ACTR5: variants seen among roughly 807,000 people sequenced by gnomAD.
ACTR5 encodes the protein actin related protein 5, also known as actin-related protein 5.
Under a neutral mutation model 61.2 loss-of-function variants are expected in ACTR5, and 43 were observed. The observed-to-expected ratio is 0.70, with a 90% CI of 0.55 to 0.91. ACTR5 has a LOEUF of 0.91. ACTR5 is among the 40% of genes least tolerant of loss of function. The pLI, the probability that ACTR5 is intolerant of heterozygous loss-of-function variation, is 0.00. For synonymous variants in ACTR5, 333 were observed against 310.5 expected (o/e 1.07, Z -0.76); for missense variants, 798 against 782.2 (o/e 1.02, Z -0.24).
At chr20:38,762,610 C>T (rs1225599276) in intron 5 of ACTR5, among the ~76,000 whole-genome samples, 1 of 152,168 alleles carries the variant, frequency 6.6e-6, no homozygotes, top group Non-Finnish European at 1.5e-5. Flanking sequence ...GGGAGGCATC[C>T]TTTAGACTGC....
chr20:38,760,209 G>A (rs2145671628), intron 5 of ACTR5, among the ~76,000 whole-genome samples: 1 of 151,904 alleles, frequency 6.6e-6, no homozygotes, highest in East Asian at 1.9e-4. Flanking sequence ...AAAAGGAGGA[G>A]GGAAGGACAT....
At chr20:38,750,706 G>A (rs1176389485) in intron 2 of ACTR5, among the ~76,000 whole-genome samples, 1 of 151,922 alleles carries the variant, frequency 6.6e-6, no homozygotes, top group African/African-American at 2.4e-5. Context: ...TTGGCTCAGG[G>A]CAACGTCCGC....
At position 38,750,290 on chromosome 20, in the gene ACTR5, A is replaced by T. The variant is rs553670982; in HGVS notation, c.605+51A>T. 7 of 1,487,076 alleles carry T rather than the reference A, an allele frequency of 4.7e-6. No homozygotes were observed. In the Admixed American group the frequency reaches 1.0e-4, roughly 22 times the overall value. The allele number at this position is 1,487,076 out of a possible 1,614,324, so 92.1% of individuals were successfully genotyped here. A position where few individuals can be genotyped will look rare whatever the true frequency, so the allele number is the denominator to read the frequency against. On this transcript the variant is annotated intron_variant, in intron 2 of 8. Coordinates refer to ENST00000243903, the MANE Select transcript of ACTR5 (RefSeq NM_024855.4). ...TGCGATTTTGAGAAGCATTCAGGAAACATTTATTTACTGCGTGCTTTAAAG... is the reference window on the plus strand; with the variant it reads ...TGCGATTTTGAGAAGCATTCAGGAATCATTTATTTACTGCGTGCTTTAAAG...
chr20:38,771,616 T>G lies in ACTR5; in HGVS notation c.1624T>G (p.Leu542Val). The change falls in exon 9 of 9, where the codon TTG (leucine) becomes GTG (valine). Residue 542 changes from leucine to valine, a missense_variant. Transcript: ENST00000243903. ...DAWYGARDWALNHLDDNEVWI... is the reference protein window; with the variant it reads ...DAWYGARDWAVNHLDDNEVWI... The stretch of plus-strand genomic sequence containing the variant: ...CTGGTACGGTGCTCGTGACTGGGCC[T>G]TGAACCACCTAGATGATAATGAAGT... 6.2e-7 allele frequency: 1 copy of G among 1,614,146 alleles called. No individual in the cohort carries two copies. The highest frequency in any genetic ancestry group is 8.5e-7 in the Non-Finnish European group (1 of 1,180,036).
intron 8 of ACTR5, among the ~76,000 whole-genome samples, chr20:38,770,388 A>T (rs1443299047): frequency 6.6e-6 from 1 of 152,248 alleles, no homozygotes; most frequent in Non-Finnish European, 1.5e-5. Flanking sequence ...AGAAAACTGT[A>T]GTTTCAGCCT....
Position 38,749,492 on chromosome 20 carries a change from A to C in ACTR5, c.376-518A>C, listed in dbSNP as rs551925690. On this transcript the variant is annotated intron_variant, in intron 1 of 8. Coordinates refer to ENST00000243903, the MANE Select transcript of ACTR5 (RefSeq NM_024855.4). The stretch of plus-strand genomic sequence containing the variant: ...AGTAGTACCTGAAAGAGGATGTCAG[A>C]GAGGTAGTGGAGAGGCAGATCACAC... 2.0e-5 allele frequency among the ~76,000 whole-genome samples: 3 copies of C among 152,334 alleles called. No homozygotes were observed. In the South Asian group the frequency reaches 6.2e-4, roughly 32 times the overall value.
chr20:38,765,578 G>C, intron 6 of ACTR5, 60 bp downstream of exon 6: 1 of 1,391,500 alleles, frequency 7.2e-7, no homozygotes. Context: ...TAAATGGCTG[G>C]GCTAGTCTGT....
Position 38,755,005 on chromosome 20 carries a change from A to T in ACTR5, c.824A>T (p.Lys275Met). 6.2e-7 allele frequency: 1 copy of T among 1,614,260 alleles called. No individual in the cohort carries two copies. The highest frequency in any genetic ancestry group is 8.5e-7 in the Non-Finnish European group (1 of 1,180,046). Residue 275 changes from lysine to methionine, a missense_variant, in exon 4 of 9, where the codon AAG becomes ATG. By Grantham distance (95) the Lys-to-Met change is moderately conservative (BLOSUM62 -1). Coordinates refer to ENST00000243903, the MANE Select transcript of ACTR5 (RefSeq NM_024855.4). Reference protein sequence around the residue: ...CPDYYENNVHKMQLPFSSKLL... With the variant: ...CPDYYENNVHMMQLPFSSKLL... ...GATTATTATGAGAATAATGTCCACAAGATGCAGCTCCCATTTTCCAGCAAG... is the reference window on the plus strand; with the variant it reads ...GATTATTATGAGAATAATGTCCACATGATGCAGCTCCCATTTTCCAGCAAG...
chr20:38,765,751 A>G (rs187277925), intron 6 of ACTR5, among the ~76,000 whole-genome samples: 1 of 152,324 alleles, frequency 6.6e-6, no homozygotes, highest in African/African-American at 2.4e-5. Flanking sequence ...ACATTTGGTA[A>G]AGTAATTGGG....
intron 8 of ACTR5, among the ~76,000 whole-genome samples, chr20:38,770,327 A>G (rs538028691): frequency 1.3e-5 from 2 of 152,384 alleles, no homozygotes; most frequent in East Asian, 3.9e-4. Flanking sequence ...ACAGTAAAAC[A>G]TTTTTAAATA....
chr20:38,753,873 C>CT (rs71330446), intron 3 of ACTR5, among the ~76,000 whole-genome samples: 1,866 of 116,748 alleles, frequency 0.016, 25 homozygotes, highest in East Asian at 0.073. Flanking sequence ...GTTATTCGAG[C>CT]TTTTTTTTTT....
rs2084486053 is a variant in ACTR5 at position 38,766,296 on chromosome 20, C to A, written c.1352C>A (p.Ala451Asp). ...TTTGTTGGGACAGAAAGAATTCGAGCTCCAGAGATTATTTTCCAGCCATCT... is the reference window on the plus strand; with the variant it reads ...TTTGTTGGGACAGAAAGAATTCGAGATCCAGAGATTATTTTCCAGCCATCT... Reference protein sequence around the residue: ...QLFVGTERIRAPEIIFQPSLI... With the variant: ...QLFVGTERIRDPEIIFQPSLI... The change falls in exon 7 of 9, where the codon GCT becomes GAT. Residue 451 changes from alanine (A) to aspartate (D), a missense_variant. Ala to Asp is a moderately radical substitution (Grantham distance 126). Coordinates refer to ENST00000243903, the MANE Select transcript of ACTR5 (RefSeq NM_024855.4). 1 of 1,613,982 alleles carries A rather than the reference C, an allele frequency of 6.2e-7. No individual in the cohort carries two copies. The highest frequency in any genetic ancestry group is 1.7e-5 in the Admixed American group (1 of 59,970).
At chr20:38,764,930 A>G (rs2084476531) in intron 5 of ACTR5, among the ~76,000 whole-genome samples, 1 of 152,236 alleles carries the variant, frequency 6.6e-6, no homozygotes, top group African/African-American at 2.4e-5. Context: ...TCTGCCTCCC[A>G]AAGTGCAGAG....
Position 38,750,169 on chromosome 20 carries a change from T to C in ACTR5, c.535T>C (p.Ser179Pro). ...CTTCTACCACAATAAGCCAAAGAAC[T>C]CGATGTGCAGTGGGCTAATCATTTC... ...FSFYHNKPKN[S>P]MCSGLIISSG... Residue 179 changes from serine (S) to proline (P), a missense_variant, in exon 2 of 9, where the codon TCG becomes CCG. Coordinates refer to ENST00000243903, the MANE Select transcript of ACTR5 (RefSeq NM_024855.4). 3.7e-6 allele frequency: 6 copies of C among 1,614,208 alleles called. No individual in the cohort carries two copies. Among genetic ancestry groups the C allele is most frequent in the Non-Finnish European group, 5.1e-6 (6 of 1,180,030 alleles).
At chr20:38,750,796 T>C (rs2084383127) in intron 2 of ACTR5, among the ~76,000 whole-genome samples, 1 of 151,854 alleles carries the variant, frequency 6.6e-6, no homozygotes, top group Admixed American at 6.6e-5. Flanking sequence ...TCCTGGCTAA[T>C]TTTTTTTATA....
intron 7 of ACTR5, among the ~76,000 whole-genome samples, chr20:38,766,950 CTTTG>C (rs749346023): frequency 2.0e-5 from 3 of 152,158 alleles, no homozygotes; most frequent in African/African-American, 4.8e-5. Flanking sequence ...GTTGCTGCTA[CTTTG>C]TTTGAGTGGC....
At position 38,748,650 on chromosome 20, in the gene ACTR5, C is replaced by A; in HGVS notation, c.172C>A (p.Arg58Ser). The A allele has an allele frequency of 6.6e-7, 1 of 1,516,720 alleles. No individual in the cohort carries two copies. The highest frequency in any genetic ancestry group is 8.8e-7 in the Non-Finnish European group (1 of 1,135,174). 94.0% of individuals were successfully genotyped at this position (1,516,720 alleles called of 1,614,324 possible). A position where few individuals can be genotyped will look rare whatever the true frequency, so the allele number is the denominator to read the frequency against. The change falls in exon 1 of 9, where the codon CGC (arginine) becomes AGC (serine). Residue 58 changes from arginine (R) to serine (S), a missense_variant. Arg to Ser is a moderately radical substitution (Grantham distance 110). Coordinates refer to ENST00000243903, the MANE Select transcript of ACTR5 (RefSeq NM_024855.4). The stretch of plus-strand genomic sequence containing the variant: ...CGGGCAGGACCCAGGTCCCGAGCCG[C>A]GCCTGCAGTTCCGCGCGGTGTGCGC... The part of the protein sequence containing the change: ...CPGQDPGPEP[R>S]LQFRAVCARG...
chr20:38,769,123 T>TA (rs1308763058), intron 8 of ACTR5, among the ~76,000 whole-genome samples: 1 of 152,170 alleles, frequency 6.6e-6, no homozygotes, highest in Non-Finnish European at 1.5e-5. Context: ...TAACCACTAT[T>TA]AGTTTTCCAG....
chr20:38,759,900 GC>G (rs2084443559), intron 5 of ACTR5, among the ~76,000 whole-genome samples: 1 of 152,088 alleles, frequency 6.6e-6, no homozygotes, highest in South Asian at 2.1e-4. Context: ...GGGCACAGTG[GC>G]TCACATCTGT....
Sources: gnomAD v4.1 joint callset for allele counts (sites outside exome capture counted in the v4.1 genomes callset) on GRCh38, gnomAD v4.1.1 for gene constraint, MANE v1.5 for transcripts, NCBI Gene and HGNC (gene_info 2026-07-23, HGNC 2026-07-21) for gene names.